Variants in ENPP6 observed in about 807,000 individuals in gnomAD.
ENPP6 encodes the protein glycerophosphocholine cholinephosphodiesterase ENPP6.
A neutral mutation model predicts 42.0 loss-of-function variants in ENPP6; 32 were observed. That is an observed-to-expected ratio of 0.76 (90% CI 0.58 to 1.02). The LOEUF is 1.02. Ranked by LOEUF, ENPP6 falls within the 50% of genes least tolerant of loss-of-function variation. The pLI is 0.00. For synonymous variants in ENPP6, 213 were observed against 216.0 expected (o/e 0.99, Z 0.12); for missense variants, 552 against 566.8 (o/e 0.97, Z 0.27).
In ENPP6 at chr4:184,112,801, G is replaced by C; in HGVS notation, c.864C>G (p.Asn288Lys). The change falls in exon 6 of 8, where the codon AAC becomes AAG. Residue 288 changes from asparagine (N) to lysine (K), a missense_variant. Transcript: ENST00000296741. ...PAPGKHSEIY[N>K]KLSTVEHMTV... ...TCATGTGTTCCACTGTGCTCAGTTT[G>C]TTATATATCTGCAAAGAAAATCAAG... The C allele has an allele frequency of 1.2e-6, 2 of 1,612,512 alleles. No individual in the cohort carries two copies. The highest frequency in any genetic ancestry group is 1.7e-6 in the Non-Finnish European group (2 of 1,179,626).
At chr4:184,188,860 A>G (rs745524010) in intron 1 of ENPP6, among the ~76,000 whole-genome samples, 2 of 152,216 alleles carry the variant, frequency 1.3e-5, no homozygotes, top group African/African-American at 2.4e-5. Flanking sequence ...ACTGATTTCC[A>G]TGAAGAAGTC....
chr4:184,117,852 C>T lies in ENPP6; in HGVS notation c.582G>A (p.Val194=). 1 of 1,614,216 alleles carries T rather than the reference C, an allele frequency of 6.2e-7. No individual in the cohort carries two copies. The highest frequency in any genetic ancestry group is 8.5e-7 in the Non-Finnish European group (1 of 1,180,044). Residue 194 remains valine (V), a synonymous_variant, in exon 4 of 8, where the codon GTG becomes GTA. Transcript: ENST00000296741. ...ATGCAGGCCCGTAGTGGTGGCCTTC[C>T]ACGTCAATGCGCTCATGGTATATGG... ...LAAIYHERID[V]EGHHYGPASP...
At chr4:184,142,630 T>C (rs973806897) in intron 2 of ENPP6, among the ~76,000 whole-genome samples, 1 of 152,132 alleles carries the variant, frequency 6.6e-6, no homozygotes, top group African/African-American at 2.4e-5. Context: ...GGAAGACAAA[T>C]TAGATGAGAA....
chr4:184,153,126 C>CTTTTTT (rs143936726), intron 2 of ENPP6, among the ~76,000 whole-genome samples: 1 of 146,944 alleles, frequency 6.8e-6, no homozygotes. Flanking sequence ...TATTTCTTTT[C>CTTTTTT]TTTTTCTTTT....
At chr4:184,181,436 C>T (rs552085015) in intron 1 of ENPP6, among the ~76,000 whole-genome samples, 4 of 152,138 alleles carry the variant, frequency 2.6e-5, no homozygotes, top group Non-Finnish European at 5.9e-5. Context: ...CCATACTGCC[C>T]GAAGTAATTT....
At chr4:184,150,754 T>A (rs997126086) in intron 2 of ENPP6, among the ~76,000 whole-genome samples, 4 of 152,224 alleles carry the variant, frequency 2.6e-5, no homozygotes, top group Admixed American at 6.5e-5. Context: ...TTATTCTATA[T>A]CTATGAAGAC....
chr4:184,111,968 G>A (rs1012666268), intron 6 of ENPP6, among the ~76,000 whole-genome samples: 1 of 152,154 alleles, frequency 6.6e-6, no homozygotes, highest in African/African-American at 2.4e-5. Context: ...TGTGATTTTT[G>A]TCATACTGCA....
At position 184,091,288 on chromosome 4, in the gene ENPP6, G is replaced by A. The variant is rs757735442; in HGVS notation, c.1212C>T (p.Asn404=). 4.3e-5 allele frequency: 69 copies of A among 1,613,888 alleles called. No individual in the cohort carries two copies. The highest frequency in any genetic ancestry group is 7.7e-5 in the South Asian group (7 of 91,046). Residue 404 remains asparagine (N), a synonymous_variant, in exon 8 of 8, where the codon AAC becomes AAT. Coordinates refer to ENST00000296741, the MANE Select transcript of ENPP6 (RefSeq NM_153343.4). ...TGCACATCACCCTGGACCAGGATCCGTTGTTGGGCAGCGGGGTGATGCCCA... is the reference window on the plus strand; with the variant it reads ...TGCACATCACCCTGGACCAGGATCCATTGTTGGGCAGCGGGGTGATGCCCA... ...NVVGITPLPN[N]GSWSRVMCML... is the part of the protein sequence containing the mutation.
At chr4:184,214,970 C>T (rs375572309) in intron 1 of ENPP6, among the ~76,000 whole-genome samples, 368 of 152,284 alleles carry the variant, frequency 2.4e-3, no homozygotes, top group African/African-American at 8.6e-3. Flanking sequence ...GCACGTTCTG[C>T]ACATGTGTCC....
At chr4:184,137,466 T>A (rs1297807934) in intron 2 of ENPP6, among the ~76,000 whole-genome samples, 3 of 152,224 alleles carry the variant, frequency 2.0e-5, no homozygotes, top group African/African-American at 4.8e-5. Context: ...TGTTTTCTTA[T>A]AATCTGTTTT....
intron 1 of ENPP6, among the ~76,000 whole-genome samples, chr4:184,208,602 C>T (rs1288079890): frequency 1.3e-5 from 2 of 151,500 alleles, no homozygotes; most frequent in South Asian, 2.1e-4. Context: ...CCCACGGAGT[C>T]TCGCTGATTG....
intron 1 of ENPP6, among the ~76,000 whole-genome samples, chr4:184,163,776 C>T (rs557291109): frequency 5.3e-4 from 81 of 152,262 alleles, no homozygotes; most frequent in African/African-American, 1.9e-3. Flanking sequence ...TTCCGTCAGG[C>T]GACAGTGGTT....
intron 1 of ENPP6, among the ~76,000 whole-genome samples, chr4:184,191,219 T>C (rs977553500): frequency 5.3e-5 from 8 of 152,234 alleles, no homozygotes; most frequent in Admixed American, 5.2e-4. Flanking sequence ...AGTTCTTCCA[T>C]TTATGGGCCC....
chr4:184,166,643 T>G (rs1318305588), intron 1 of ENPP6, among the ~76,000 whole-genome samples: 1 of 152,148 alleles, frequency 6.6e-6, no homozygotes, highest in Non-Finnish European at 1.5e-5. Context: ...AATTACTGCA[T>G]TGAAAATGAA....
At position 184,116,976 on chromosome 4, in the gene ENPP6, G is replaced by A. The variant is rs377226218; in HGVS notation, c.735C>T (p.Asp245=). ...CAATCACTTTGTCCATCCAGAAAAT[G>A]TCGGTCATTCCGTGATCCGAGAAAA... is the stretch of plus-strand genomic sequence containing the variant. ...VIIFSDHGMT[D]IFWMDKVIEL... is the part of the protein sequence containing the mutation. The change falls in exon 5 of 8, where the codon GAC becomes GAT. Residue 245 remains aspartate, a synonymous_variant. Coordinates refer to ENST00000296741, the MANE Select transcript of ENPP6 (RefSeq NM_153343.4). 5.0e-6 allele frequency: 8 copies of A among 1,614,096 alleles called. No homozygotes were observed. The highest frequency in any genetic ancestry group is 6.8e-6 in the Non-Finnish European group (8 of 1,180,046).
intron 7 of ENPP6, among the ~76,000 whole-genome samples, chr4:184,096,865 G>A (rs954528264): frequency 5.3e-5 from 8 of 152,120 alleles, no homozygotes; most frequent in Non-Finnish European, 1.2e-4. Context: ...CCCGAGAAGC[G>A]ATCGCATCAA....
rs545728520 is a variant in ENPP6 at position 184,124,105 on chromosome 4, T to C, written c.533+56A>G. The C allele has an allele frequency of 2.4e-5, 32 of 1,351,910 alleles. No homozygotes were observed. In the African/African-American group the frequency reaches 4.2e-4, roughly 18 times the overall value. 83.7% of individuals were successfully genotyped at this position (1,351,910 alleles called of 1,614,324 possible). A position where few individuals can be genotyped will look rare whatever the true frequency, so the allele number is the denominator to read the frequency against. On this transcript the variant is annotated intron_variant, in intron 3 of 7. Coordinates refer to ENST00000296741, the MANE Select transcript of ENPP6 (RefSeq NM_153343.4). ...CCCTCTTAATTCACTTTAGGATCCA[T>C]GATCAGTCCTGGAAACAAGGAAGAA... is the stretch of plus-strand genomic sequence containing the variant.
rs1221211639 is a variant in ENPP6 at position 184,180,762 on chromosome 4, CAT to C, written c.242-27031_242-27030del. On this transcript the variant is annotated intron_variant, in intron 1 of 7. Transcript: ENST00000296741. ...TAAACAGAACTAATGACAAAAACCA[CAT>C]GATTATCTCAATAGACGCAGAAAAG... Among the ~76,000 whole-genome samples the C allele has an allele frequency of 1.5e-4, 23 of 152,286 alleles. No individual in the cohort carries two copies. In the South Asian group the frequency reaches 4.1e-3, roughly 27 times the overall value.
At chr4:184,199,927 G>GAT (rs1353121074) in intron 1 of ENPP6, among the ~76,000 whole-genome samples, 1 of 152,120 alleles carries the variant, frequency 6.6e-6, no homozygotes, top group Non-Finnish European at 1.5e-5. Flanking sequence ...ACACATCCCT[G>GAT]ATATCATAAT....
Sources: allele counts gnomAD v4.1 joint callset (sites outside exome capture counted in the v4.1 genomes callset), GRCh38; gene constraint gnomAD v4.1.1; transcripts MANE v1.5; gene names NCBI Gene and HGNC (gene_info 2026-07-23, HGNC 2026-07-21).